CADM2: variants seen among roughly 807,000 people sequenced by gnomAD.
CADM2 encodes cell adhesion molecule 2.
In CADM2, 12 loss-of-function variants were observed where a neutral mutation model predicts 49.8. The ratio of observed to expected loss-of-function variants is 0.24; its 90% confidence interval spans 0.15 to 0.39. The LOEUF (loss-of-function observed/expected upper bound fraction) is 0.39, where lower values mean the gene tolerates loss of function less well. Ranked by LOEUF, CADM2 falls within the 10% of genes least tolerant of loss-of-function variation. The probability of loss-of-function intolerance (pLI) is 1.00; values close to 1 mark genes in which losing one functional copy is unlikely to be tolerated. For missense variants in CADM2, 378 were observed against 492.3 expected, an observed-to-expected ratio of 0.77 and a Z score of 2.20; for synonymous variants, 214 against 175.4, an observed-to-expected ratio of 1.22 and a Z score of -1.74.
At chr3:85,703,063 C>T (rs1275046756) in intron 1 of CADM2, among the ~76,000 whole-genome samples, 1 of 152,120 alleles carries the variant, frequency 6.6e-6, no homozygotes, top group Non-Finnish European at 1.5e-5. Flanking sequence ...TATATTAATA[C>T]ACATACACAC....
chr3:85,993,858 G>A (rs1729063592), intron 8 of CADM2: 1 of 151,764 alleles, frequency 6.6e-6, no homozygotes, highest in Admixed American at 6.6e-5. Flanking sequence ...AATAAAACAT[G>A]CTATAAATAG....
intron 8 of CADM2, among the ~76,000 whole-genome samples, chr3:85,990,013 CAAAAAAAAAAA>C (rs58178176): frequency 5.6e-3 from 54 of 9,632 alleles, no homozygotes; most frequent in Admixed American, 0.01. Context: ...ACTCCATGTC[CAAAAAAAAAAA>C]AAAAAAAAAA....
At chr3:86,043,701 A>G (rs575917822) in intron 8 of CADM2, among the ~76,000 whole-genome samples, 4 of 152,310 alleles carry the variant, frequency 2.6e-5, no homozygotes, top group Admixed American at 6.5e-5. Context: ...ACAGAATTGG[A>G]AAAAACTACT....
intron 1 of CADM2, among the ~76,000 whole-genome samples, chr3:85,199,370 T>TGTGTGTGTGAGAGAGAGA (rs1553694531): frequency 7.1e-6 from 1 of 140,106 alleles, no homozygotes; most frequent in African/African-American, 2.8e-5. Context: ...TGTGTGTGTA[T>TGTGTGTGTGAGAGAGAGA]GAGAGAGAGA....
intron 1 of CADM2, among the ~76,000 whole-genome samples, chr3:85,269,134 T>C (rs1335070721): frequency 1.3e-5 from 2 of 151,210 alleles, no homozygotes; most frequent in Admixed American, 1.3e-4. Context: ...ATGAATGAAA[T>C]TAACACAAAA....
intron 1 of CADM2, among the ~76,000 whole-genome samples, chr3:85,213,587 T>G (rs1026843066): frequency 6.6e-6 from 1 of 152,096 alleles, no homozygotes. Context: ...ATAACCTTCT[T>G]GTACTTCCAT....
At chr3:85,931,668 ATACG>A (rs1392660587) in intron 6 of CADM2, among the ~76,000 whole-genome samples, 2 of 152,186 alleles carry the variant, frequency 1.3e-5, no homozygotes, top group Non-Finnish European at 2.9e-5. Context: ...GATTTTAAAA[ATACG>A]TAAGAATTAA....
At chr3:85,884,069 A>G (rs1713207504) in intron 4 of CADM2, among the ~76,000 whole-genome samples, 1 of 152,190 alleles carries the variant, frequency 6.6e-6, no homozygotes, top group South Asian at 2.1e-4. Flanking sequence ...ATTTTCCCAA[A>G]GGTGAAAGTG....
intron 2 of CADM2, among the ~76,000 whole-genome samples, chr3:85,783,978 C>T (rs1448747462): frequency 6.6e-6 from 1 of 152,170 alleles, no homozygotes; most frequent in Non-Finnish European, 1.5e-5. Context: ...CTTGAAATTA[C>T]AGCCTCAAAT....
chr3:85,237,875 C>T (rs2042442207), intron 1 of CADM2, among the ~76,000 whole-genome samples: 1 of 151,616 alleles, frequency 6.6e-6, no homozygotes, highest in Non-Finnish European at 1.5e-5. Context: ...AATTAATTGC[C>T]ATTTTTTCTC....
chr3:84,963,074 C>T (rs916503336), intron 1 of CADM2, among the ~76,000 whole-genome samples: 2 of 152,134 alleles, frequency 1.3e-5, no homozygotes, highest in South Asian at 4.1e-4. Context: ...AGGGAATAAA[C>T]ATATGCTTTT....
chr3:85,615,998 T>G lies in CADM2; in HGVS notation c.62-110524T>G, dbSNP rs143784283. Among the ~76,000 whole-genome samples the G allele has an allele frequency of 1.5e-4, 23 of 152,056 alleles. No individual in the cohort carries two copies. In the East Asian group the frequency reaches 4.5e-3, roughly 30 times the overall value. ...AGTATAATGTGTTGAATGAGATGGC[T>G]CTGAGCTTGCACTCTTGGTAAGACA... On this transcript the variant is annotated intron_variant, in intron 1 of 9. Transcript: ENST00000383699.
At chr3:85,283,612 A>T (rs1184091173) in intron 1 of CADM2, among the ~76,000 whole-genome samples, 1 of 152,124 alleles carries the variant, frequency 6.6e-6, no homozygotes, top group Non-Finnish European at 1.5e-5. Flanking sequence ...TGCATTGGAT[A>T]AATATTGTAA....
rs1366076400 is a variant in CADM2, at chr3:84,984,043, A to ATG, written c.61+24376_61+24377insGT. On this transcript the variant is annotated intron_variant, in intron 1 of 9. Transcript: ENST00000383699. ...GGCTTCTTCATTGTGATATATATAT[A>ATG]TATATACACACACACACACACACAC... Among the ~76,000 whole-genome samples, 31 of 100,538 alleles carry ATG rather than the reference A, an allele frequency of 3.1e-4. No individual in the cohort carries two copies. The East Asian group carries it at 4.8e-3, about 16-fold the overall frequency. 66.0% of individuals were successfully genotyped at this position (100,538 alleles called of 152,430 possible). A position where few individuals can be genotyped will look rare whatever the true frequency, so the allele number is the denominator to read the frequency against.
chr3:85,090,414 T>G (rs557277894), intron 1 of CADM2, among the ~76,000 whole-genome samples: 16 of 152,206 alleles, frequency 1.1e-4, no homozygotes, highest in Non-Finnish European at 1.8e-4. Flanking sequence ...TTTTTGTGTC[T>G]TGTTTTGTTT....
At chr3:85,817,801 A>G (rs1319430731) in intron 3 of CADM2, among the ~76,000 whole-genome samples, 4 of 151,996 alleles carry the variant, frequency 2.6e-5, no homozygotes, top group Non-Finnish European at 5.9e-5. Context: ...CGACAGAGCG[A>G]GACTTCCTCT....
chr3:85,378,355 C>T (rs1473913100), intron 1 of CADM2, among the ~76,000 whole-genome samples: 2 of 151,998 alleles, frequency 1.3e-5, no homozygotes, highest in Non-Finnish European at 2.9e-5. Flanking sequence ...AGGAGGCTCT[C>T]TTTCCACCTC....
chr3:85,596,049 A>C (rs78537911), intron 1 of CADM2, among the ~76,000 whole-genome samples: 1 of 151,880 alleles, frequency 6.6e-6, no homozygotes. Context: ...TAATTACTAT[A>C]TGATTTATCA....
At chr3:85,383,533 T>TATAC (rs2034030475) in intron 1 of CADM2, among the ~76,000 whole-genome samples, 4 of 144,992 alleles carry the variant, frequency 2.8e-5, no homozygotes, top group Admixed American at 6.9e-5. Flanking sequence ...TATATATATA[T>TATAC]ATATACATAT....
Sources: allele counts gnomAD v4.1 joint callset (sites outside exome capture counted in the v4.1 genomes callset), GRCh38; gene constraint gnomAD v4.1.1; transcripts MANE v1.5; gene names NCBI Gene and HGNC (gene_info 2026-07-23, HGNC 2026-07-21).